The following VAPB variants were observed in gnomAD, a reference collection of about 807,000 sequenced individuals.
VAPB encodes the protein vesicle-associated membrane protein-associated protein B/C.
Under a neutral mutation model 25.6 loss-of-function variants are expected in VAPB, and 7 were observed. The observed-to-expected ratio is 0.27, with a 90% CI of 0.16 to 0.51. The LOEUF is 0.51. Among genes scored for constraint, VAPB ranks in the 20% least tolerant of loss-of-function variants. The pLI is 0.97. For missense variants in VAPB, 266 were observed against 301.3 expected, an observed-to-expected ratio of 0.88 and a Z score of 0.87; for synonymous variants, 112 against 109.2, an observed-to-expected ratio of 1.03 and a Z score of -0.16.
In VAPB at chr20:58,450,675, A is replaced by G; in HGVS notation, c.*6440A>G. On this transcript the variant is annotated 3_prime_UTR_variant, in exon 6 of 6. Coordinates refer to ENST00000475243, the MANE Select transcript of VAPB (RefSeq NM_004738.5). The stretch of plus-strand genomic sequence containing the variant: ...ACGTCTTTCTCCCTATGTTGAAAAA[A>G]GATTCCCACAGTTTCTGATGTGTGT... The G allele has an allele frequency of 2.2e-6, 1 of 454,102 alleles. No homozygotes were observed. The highest frequency in any genetic ancestry group is 4.4e-6 in the Non-Finnish European group (1 of 226,794). The allele number at this position is 454,102 out of a possible 1,614,324, so 28.1% of individuals were successfully genotyped here.
chr20:58,445,724 T>A lies in VAPB; in HGVS notation c.*1489T>A, dbSNP rs1295449016. The A allele has an allele frequency of 4.0e-5, 18 of 445,014 alleles. No homozygotes were observed. Among genetic ancestry groups the A allele is most frequent in the Non-Finnish European group, 6.3e-5 (14 of 223,466 alleles). The allele number at this position is 445,014 out of a possible 1,614,324, so 27.6% of individuals were successfully genotyped here. On this transcript the variant is annotated 3_prime_UTR_variant, in exon 6 of 6. Coordinates refer to ENST00000475243, the MANE Select transcript of VAPB (RefSeq NM_004738.5). ...TGTGTGTGTGTGTGTGTGTGTGTAT[T>A]TTTTTTTTGGTTGTCTTCAGCTGAC...
chr20:58,445,230 T>G lies in VAPB; in HGVS notation c.*995T>G, dbSNP rs76895132. 2.0e-3 allele frequency: 896 copies of G among 454,174 alleles called. 11 individuals carry two copies. The highest frequency in any genetic ancestry group is 0.016 in the African/African-American group (809 of 50,114). 28.1% of individuals were successfully genotyped at this position (454,174 alleles called of 1,614,324 possible). The stretch of plus-strand genomic sequence containing the variant: ...GGTTACCTTTTTTAATGAAGAGTAG[T>G]CAGTCTTCTAGATTGTTCTTATACC... On this transcript the variant is annotated 3_prime_UTR_variant, in exon 6 of 6. Transcript: ENST00000475243.
chr20:58,447,205 T>A lies in VAPB; in HGVS notation c.*2970T>A. 1 of 453,898 alleles carries A rather than the reference T, an allele frequency of 2.2e-6. No individual in the cohort carries two copies. Among genetic ancestry groups the A allele is most frequent in the South Asian group, 1.6e-5 (1 of 64,478 alleles). The allele number at this position is 453,898 out of a possible 1,614,324, so 28.1% of individuals were successfully genotyped here. ...GAAGCGGTGACAGAATCCTGAAAGT[T>A]TTTATTGATTGAAGTTTTAAATTGG... On this transcript the variant is annotated 3_prime_UTR_variant, in exon 6 of 6. Transcript: ENST00000475243.
intron 2 of VAPB, among the ~76,000 whole-genome samples, chr20:58,427,282 GCGAAAGTGATCTGTGA>G (rs1988814522): frequency 6.6e-6 from 1 of 150,600 alleles, no homozygotes; most frequent in Non-Finnish European, 1.5e-5. Context: ...TATGATGCAG[GCGAAAGTGATCTGTGA>G]TCTGTGATCT....
At position 58,444,411 on chromosome 20, in the gene VAPB, T is replaced by TA; in HGVS notation, c.*178dup. On this transcript the variant is annotated 3_prime_UTR_variant, in exon 6 of 6. Transcript: ENST00000475243. ...CAGATACACACACACAAATATAATG[T>TA]AACGATCTTTTAGAAAGTTAAAAAT... 1 of 860,514 alleles carries TA rather than the reference T, an allele frequency of 1.2e-6. No homozygotes were observed. Among genetic ancestry groups the TA allele is most frequent in the Non-Finnish European group, 1.9e-6 (1 of 527,660 alleles). The allele number at this position is 860,514 out of a possible 1,614,324, so 53.3% of individuals were successfully genotyped here.
intron 1 of VAPB, among the ~76,000 whole-genome samples, chr20:58,401,668 C>T (rs576394346): frequency 4.3e-4 from 66 of 152,264 alleles, no homozygotes; most frequent in African/African-American, 1.4e-3. Flanking sequence ...TTCCCTGTTT[C>T]TCTCAGATTT....
chr20:58,430,875 T>C (rs1224348425), intron 2 of VAPB, among the ~76,000 whole-genome samples: 1 of 152,202 alleles, frequency 6.6e-6, no homozygotes, highest in Non-Finnish European at 1.5e-5. Context: ...TGCGCCCTGC[T>C]GCACATTTCT....
intron 2 of VAPB, among the ~76,000 whole-genome samples, chr20:58,424,999 A>G (rs546030722): frequency 2.6e-4 from 40 of 152,362 alleles, no homozygotes; most frequent in Admixed American, 2.4e-3. Context: ...ACCCTAAAGG[A>G]TATAATAAAT....
intron 2 of VAPB, among the ~76,000 whole-genome samples, chr20:58,429,149 T>A (rs1168187516): frequency 6.8e-6 from 1 of 147,476 alleles, no homozygotes; most frequent in Non-Finnish European, 1.5e-5. Context: ...ACTTTTTTTT[T>A]TTTTTCCAAA....
chr20:58,448,287 C>T lies in VAPB; in HGVS notation c.*4052C>T, dbSNP rs76295834. 26,743 of 453,710 alleles carry T rather than the reference C, an allele frequency of 0.059. 1,179 individuals carry two copies. Among genetic ancestry groups the T allele is most frequent in the Non-Finnish European group, 0.085 (19,221 of 226,516 alleles). The allele number at this position is 453,710 out of a possible 1,614,324, so 28.1% of individuals were successfully genotyped here. On this transcript the variant is annotated 3_prime_UTR_variant, in exon 6 of 6. Transcript: ENST00000475243. ...CAGCTCTGAGATCATGCTGGCCCTACGCGAATTGAGTTTCTGTGGCCTAAT... is the reference window on the plus strand; with the variant it reads ...CAGCTCTGAGATCATGCTGGCCCTATGCGAATTGAGTTTCTGTGGCCTAAT...
At chr20:58,428,669 T>G (rs1988861377) in intron 2 of VAPB, among the ~76,000 whole-genome samples, 1 of 152,152 alleles carries the variant, frequency 6.6e-6, no homozygotes, top group African/African-American at 2.4e-5. Flanking sequence ...GCAAACTCTT[T>G]TATAGTCTGC....
intron 2 of VAPB, 47 bp downstream of exon 2, chr20:58,418,410 TGGACA>T: frequency 6.2e-7 from 1 of 1,600,392 alleles, no homozygotes; most frequent in Non-Finnish European, 8.5e-7. Flanking sequence ...AGAAGGCCCC[TGGACA>T]GTAGGTTTTC....
rs1231645987 is a variant in VAPB, at chr20:58,448,361, C to T, written c.*4126C>T. 4.4e-6 allele frequency: 2 copies of T among 454,072 alleles called. No individual in the cohort carries two copies. Among genetic ancestry groups the T allele is most frequent in the African/African-American group, 4.0e-5 (2 of 50,104 alleles). 28.1% of individuals were successfully genotyped at this position (454,072 alleles called of 1,614,324 possible). A position where few individuals can be genotyped will look rare whatever the true frequency, so the allele number is the denominator to read the frequency against. ...GGCCCCTTTTCCTCAGACAGATCTGCTCTGATAGGAACCTTTTCAAGAAAG... is the reference window on the plus strand; with the variant it reads ...GGCCCCTTTTCCTCAGACAGATCTGTTCTGATAGGAACCTTTTCAAGAAAG... On this transcript the variant is annotated 3_prime_UTR_variant, in exon 6 of 6. Coordinates refer to ENST00000475243, the MANE Select transcript of VAPB (RefSeq NM_004738.5).
chr20:58,423,927 A>C (rs1018340870), intron 2 of VAPB, among the ~76,000 whole-genome samples: 3 of 152,226 alleles, frequency 2.0e-5, no homozygotes, highest in Non-Finnish European at 2.9e-5. Flanking sequence ...GAAAATTACC[A>C]ACAAAAATTC....
intron 2 of VAPB, among the ~76,000 whole-genome samples, chr20:58,433,401 C>T (rs1988968191): frequency 6.6e-6 from 1 of 152,128 alleles, no homozygotes; most frequent in Non-Finnish European, 1.5e-5. Context: ...AGAGGAAGCA[C>T]CTGGGAAGTC....
intron 5 of VAPB, among the ~76,000 whole-genome samples, chr20:58,443,233 A>G (rs971743187): frequency 6.6e-6 from 1 of 152,156 alleles, no homozygotes; most frequent in Non-Finnish European, 1.5e-5. Flanking sequence ...TTCTTCAATG[A>G]GAAATCTATG....
At chr20:58,408,741 G>A (rs894265196) in intron 1 of VAPB, among the ~76,000 whole-genome samples, 5 of 152,096 alleles carry the variant, frequency 3.3e-5, no homozygotes, top group African/African-American at 4.8e-5. Flanking sequence ...TTCAGATCCG[G>A]GTTTTGAAGT....
chr20:58,451,009 G>C lies in VAPB; in HGVS notation c.*6774G>C, dbSNP rs767442914. 6.6e-5 allele frequency: 30 copies of C among 452,232 alleles called. No homozygotes were observed. The highest frequency in any genetic ancestry group is 1.3e-4 in the Non-Finnish European group (29 of 225,538). The allele number at this position is 452,232 out of a possible 1,614,324, so 28.0% of individuals were successfully genotyped here. On this transcript the variant is annotated 3_prime_UTR_variant, in exon 6 of 6. Transcript: ENST00000475243. ...CATGTTCTCCCATGTTCCATTATCA[G>C]CCTGATGAAACCTGCCCTGCCAAGG...
chr20:58,422,743 T>C lies in VAPB; in HGVS notation c.211+4380T>C, dbSNP rs76801141. ...AAAAATACTTATGCTTCCTGTAATA[T>C]GATATTAAGTTTAATATTTTTATAA... On this transcript the variant is annotated intron_variant, in intron 2 of 5. Coordinates refer to ENST00000475243, the MANE Select transcript of VAPB (RefSeq NM_004738.5). Among the ~76,000 whole-genome samples, 737 of 152,262 alleles carry C rather than the reference T, an allele frequency of 4.8e-3. 8 individuals are homozygous for C. Among genetic ancestry groups the C allele is most frequent in the African/African-American group, 0.017 (696 of 41,536 alleles).
Sources: gnomAD v4.1 joint callset for allele counts (sites outside exome capture counted in the v4.1 genomes callset) on GRCh38, gnomAD v4.1.1 for gene constraint, MANE v1.5 for transcripts, NCBI Gene and HGNC (gene_info 2026-07-23, HGNC 2026-07-21) for gene names.